CAMK1D: variants seen among roughly 807,000 people sequenced by gnomAD.
CAMK1D encodes calcium/calmodulin-dependent protein kinase type 1D.
In CAMK1D, 9 loss-of-function variants were observed where a neutral mutation model predicts 47.7. That is an observed-to-expected ratio of 0.19 (90% CI 0.11 to 0.33). The LOEUF (loss-of-function observed/expected upper bound fraction) is 0.33, where lower values mean the gene tolerates loss of function less well. Ranked by LOEUF, CAMK1D falls within the 10% of genes least tolerant of loss-of-function variation. The pLI, the probability that CAMK1D is intolerant of heterozygous loss-of-function variation, is 1.00. For synonymous variants in CAMK1D, 184 were observed against 184.9 expected (o/e 0.99, Z 0.04); for missense variants, 291 against 488.7 (o/e 0.60, Z 3.81).
At chr10:12,616,322 T>C (rs1838814527) in intron 2 of CAMK1D, among the ~76,000 whole-genome samples, 1 of 152,220 alleles carries the variant, frequency 6.6e-6, no homozygotes, top group Non-Finnish European at 1.5e-5. Flanking sequence ...AAGCGGGTTA[T>C]CTTGGACAGT....
chr10:12,627,283 A>G (rs151252520), intron 2 of CAMK1D, among the ~76,000 whole-genome samples: 1 of 151,612 alleles, frequency 6.6e-6, no homozygotes, highest in African/African-American at 2.4e-5. Context: ...TTGGGGTTTC[A>G]CCATGTTAGC....
chr10:12,364,288 C>T (rs1180048653), intron 1 of CAMK1D, among the ~76,000 whole-genome samples: 1 of 131,016 alleles, frequency 7.6e-6, no homozygotes, highest in Non-Finnish European at 1.5e-5. Flanking sequence ...GTTGCCCAGG[C>T]TGGAGTGCAG....
chr10:12,675,098 T>C (rs1159733932), intron 3 of CAMK1D, among the ~76,000 whole-genome samples: 5 of 150,002 alleles, frequency 3.3e-5, no homozygotes, highest in African/African-American at 9.8e-5. Flanking sequence ...CTGCCTCAAC[T>C]CCTCCCCCTT....
intron 10 of CAMK1D, among the ~76,000 whole-genome samples, chr10:12,827,937 C>G (rs896831446): frequency 6.6e-6 from 1 of 152,170 alleles, no homozygotes; most frequent in Non-Finnish European, 1.5e-5. Context: ...ACCTTGGCCT[C>G]CCAAAGTGTT....
rs372331369 is a variant in CAMK1D, at chr10:12,520,556, T to A, written c.93-32669T>A. On this transcript the variant is annotated intron_variant, in intron 1 of 10. Transcript: ENST00000619168. ...GCCGGGCAGAGGCTGCAATCTCGGCTCTTTGGGAGGCCAAGGCAGGCGGCT... is the reference window on the plus strand; with the variant it reads ...GCCGGGCAGAGGCTGCAATCTCGGCACTTTGGGAGGCCAAGGCAGGCGGCT... Among the ~76,000 whole-genome samples, 104 of 51,332 alleles carry A rather than the reference T, an allele frequency of 2.0e-3. 20 individuals are homozygous for A. The East Asian group carries it at 0.047, about 23-fold the overall frequency. 33.7% of individuals were successfully genotyped at this position (51,332 alleles called of 152,430 possible).
intron 1 of CAMK1D, among the ~76,000 whole-genome samples, chr10:12,540,066 A>G (rs1182883531): frequency 2.6e-5 from 4 of 151,818 alleles, no homozygotes; most frequent in African/African-American, 9.7e-5. Context: ...GGTGTGTGCA[A>G]CTACACCTAG....
rs202184067 is a variant in CAMK1D, at chr10:12,639,475, ACT to A, written c.225-27258_225-27257del. Among the ~76,000 whole-genome samples, 451 of 148,348 alleles carry A rather than the reference ACT, an allele frequency of 3.0e-3. 4 individuals are homozygous for A. Among genetic ancestry groups the A allele is most frequent in the African/African-American group, 0.011 (422 of 37,910 alleles). ...ACTCCAGCTTGGGCGACAGAGCAAG[ACT>A]CTGTCTCAAAACAAGCAAACAAACA... On this transcript the variant is annotated intron_variant, in intron 2 of 10. Transcript: ENST00000619168.
intron 2 of CAMK1D, among the ~76,000 whole-genome samples, chr10:12,630,101 G>T (rs746804163): frequency 6.6e-6 from 1 of 152,200 alleles, no homozygotes; most frequent in Non-Finnish European, 1.5e-5. Context: ...GGCCTCTACA[G>T]TTCTTTCTAG....
chr10:12,755,619 C>G (rs1836191752), intron 3 of CAMK1D, among the ~76,000 whole-genome samples: 2 of 152,158 alleles, frequency 1.3e-5, no homozygotes, highest in African/African-American at 2.4e-5. Context: ...GTCCCACCAA[C>G]AGTGTAAAAG....
intron 1 of CAMK1D, among the ~76,000 whole-genome samples, chr10:12,351,447 C>T (rs544105485): frequency 6.6e-6 from 1 of 152,304 alleles, no homozygotes; most frequent in East Asian, 1.9e-4. Context: ...GACAAGAAAG[C>T]ATGGCCTTTG....
At chr10:12,732,580 C>A (rs1026399500) in intron 3 of CAMK1D, among the ~76,000 whole-genome samples, 1 of 151,874 alleles carries the variant, frequency 6.6e-6, no homozygotes, top group Non-Finnish European at 1.5e-5. Flanking sequence ...AAAGTGGAAA[C>A]CCCTGGTAAA....
At chr10:12,711,377 G>T (rs1182303574) in intron 3 of CAMK1D, among the ~76,000 whole-genome samples, 2 of 152,208 alleles carry the variant, frequency 1.3e-5, no homozygotes. Flanking sequence ...GTCCCTCTGT[G>T]ATAGACAGTA....
At chr10:12,526,653 C>G (rs1588593428) in intron 1 of CAMK1D, among the ~76,000 whole-genome samples, 1 of 152,152 alleles carries the variant, frequency 6.6e-6, no homozygotes, top group South Asian at 2.1e-4. Flanking sequence ...TGTGGTGGCT[C>G]AAGCCTGTAA....
Position 12,694,138 on chromosome 10 carries a change from A to AT in CAMK1D, c.299+27329dup, listed in dbSNP as rs1357862423. On this transcript the variant is annotated intron_variant, in intron 3 of 10. Coordinates refer to ENST00000619168, the MANE Select transcript of CAMK1D (RefSeq NM_153498.4). The stretch of plus-strand genomic sequence containing the variant: ...ATATTATGCATAATATATATTATAT[A>AT]TAATATAATATATAATATATATTAT... Among the ~76,000 whole-genome samples, 103 of 22,036 alleles carry AT rather than the reference A, an allele frequency of 4.7e-3. 2 individuals carry two copies. The highest frequency in any genetic ancestry group is 5.6e-3 in the Non-Finnish European group (70 of 12,578). 14.5% of individuals were successfully genotyped at this position (22,036 alleles called of 152,430 possible). A position where few individuals can be genotyped will look rare whatever the true frequency, so the allele number is the denominator to read the frequency against.
At chr10:12,790,748 T>G (rs577384726) in intron 5 of CAMK1D, among the ~76,000 whole-genome samples, 2 of 152,208 alleles carry the variant, frequency 1.3e-5, no homozygotes, top group African/African-American at 4.8e-5. Flanking sequence ...CCCAGCATTT[T>G]GGGAGGCTGA....
At chr10:12,381,993 C>G (rs543491958) in intron 1 of CAMK1D, among the ~76,000 whole-genome samples, 102 of 152,262 alleles carry the variant, frequency 6.7e-4, no homozygotes, top group African/African-American at 2.4e-3. Flanking sequence ...TTTTTCCACA[C>G]CAGTCCATTT....
At chr10:12,669,032 G>A (rs1840522817) in intron 3 of CAMK1D, among the ~76,000 whole-genome samples, 1 of 152,146 alleles carries the variant, frequency 6.6e-6, no homozygotes. Context: ...AGGAGTTCGA[G>A]ACCAGCCTGG....
At chr10:12,769,651 T>A (rs753870843) in intron 4 of CAMK1D, 22 bp from the exon 5 acceptor site, 157 of 1,613,224 alleles carry the variant, frequency 9.7e-5, no homozygotes, top group Non-Finnish European at 1.3e-4. Flanking sequence ...TTTGTAATGT[T>A]TTTTTCTTAT....
chr10:12,367,730 C>G (rs912043400), intron 1 of CAMK1D, among the ~76,000 whole-genome samples: 2 of 152,154 alleles, frequency 1.3e-5, no homozygotes, highest in South Asian at 2.1e-4. Flanking sequence ...GCTGACTGAA[C>G]GGGAGGTGGA....
Sources: allele counts gnomAD v4.1 joint callset (sites outside exome capture counted in the v4.1 genomes callset), GRCh38; gene constraint gnomAD v4.1.1; transcripts MANE v1.5; gene names NCBI Gene and HGNC (gene_info 2026-07-23, HGNC 2026-07-21).